Variants in C12orf42 observed in about 807,000 individuals in gnomAD.
C12orf42 encodes chromosome 12 open reading frame 42.
Under a neutral mutation model 21.6 loss-of-function variants are expected in C12orf42, and 25 were observed. The observed-to-expected ratio is 1.16, with a 90% confidence interval of 0.84 to 1.62. The LOEUF (loss-of-function observed/expected upper bound fraction) is 1.62. Among genes scored for constraint, C12orf42 ranks in the 40% most tolerant of loss-of-function variants. The pLI, the probability that C12orf42 is intolerant of heterozygous loss-of-function variation, is 0.00. For synonymous variants in C12orf42, 174 were observed against 175.0 expected (o/e 0.99, Z 0.05); for missense variants, 483 against 459.3 (o/e 1.05, Z -0.47).
At chr12:103,262,836 A>G (rs2034965478) in intron 10 of C12orf42, among the ~76,000 whole-genome samples, 1 of 152,182 alleles carries the variant, frequency 6.6e-6, no homozygotes, top group Admixed American at 6.5e-5. Context: ...TCATGCTACT[A>G]TGAAGACACA....
the C12orf42 span, among the ~76,000 whole-genome samples, chr12:103,527,670 A>G: frequency 1.3e-5 from 2 of 152,318 alleles, no homozygotes; most frequent in South Asian, 4.2e-4. Flanking sequence ...TGAAGGGACC[A>G]TAAATTCCCA....
the C12orf42 span, among the ~76,000 whole-genome samples, chr12:103,191,179 A>G: frequency 1.3e-5 from 2 of 152,118 alleles, no homozygotes; most frequent in South Asian, 4.1e-4. Flanking sequence ...TTTTCTAAAA[A>G]TAAATAAAGA....
rs1006658179 is a variant in C12orf42, at chr12:103,303,057, T to C, written c.632-498A>G. Among the ~76,000 whole-genome samples, 8 of 152,290 alleles carry C rather than the reference T, an allele frequency of 5.3e-5. No individual in the cohort carries two copies. The East Asian group carries it at 7.7e-4, about 15-fold the overall frequency. On this transcript the variant is annotated intron_variant, in intron 5 of 5. Coordinates refer to ENST00000548883, the MANE Select transcript of C12orf42 (RefSeq NM_198521.5). ...GGAGGCTGTTATTTCATGAGTTTTA[T>C]TGGAAACTTCAAACCAGCTGAAGAC...
At chr12:103,169,326 C>T in the C12orf42 span, among the ~76,000 whole-genome samples, 6 of 151,854 alleles carry the variant, frequency 4.0e-5, no homozygotes, top group Non-Finnish European at 8.8e-5. Context: ...TAAAACCAAC[C>T]ACATCTCACT....
At chr12:103,217,418 A>G in the C12orf42 span, among the ~76,000 whole-genome samples, 1 of 151,622 alleles carries the variant, frequency 6.6e-6, no homozygotes, top group Non-Finnish European at 1.5e-5. Context: ...AGTCCTAGCT[A>G]CTTGGGAGGC....
the C12orf42 span, among the ~76,000 whole-genome samples, chr12:103,523,008 C>T: frequency 6.6e-6 from 1 of 152,196 alleles, no homozygotes; most frequent in Non-Finnish European, 1.5e-5. Context: ...ACCTAGAAGT[C>T]CCAAGGAGGG....
chr12:103,104,650 G>C, the C12orf42 span, among the ~76,000 whole-genome samples: 1 of 152,120 alleles, frequency 6.6e-6, no homozygotes, highest in Non-Finnish European at 1.5e-5. Flanking sequence ...CATGTTGGCC[G>C]GGATGGTCTC....
chr12:103,098,622 C>T, the C12orf42 span, among the ~76,000 whole-genome samples: 11 of 152,306 alleles, frequency 7.2e-5, no homozygotes, highest in Admixed American at 2.6e-4. Flanking sequence ...ACCTTGACAT[C>T]GTGCAGCTTC....
intron 4 of C12orf42, among the ~76,000 whole-genome samples, chr12:103,310,967 A>G (rs1179845548): frequency 6.6e-6 from 1 of 152,220 alleles, no homozygotes; most frequent in Admixed American, 6.5e-5. Flanking sequence ...CAAGAACAAG[A>G]TGGAAAGCCT....
intron 4 of C12orf42, among the ~76,000 whole-genome samples, chr12:103,322,353 T>C (rs778235702): frequency 6.7e-6 from 1 of 148,362 alleles, no homozygotes. Flanking sequence ...CTTTGATGGA[T>C]TTTTTTTTTC....
At chr12:103,294,580 G>GA (rs1489368285) in intron 4 of C12orf42, among the ~76,000 whole-genome samples, 32 of 88,524 alleles carry the variant, frequency 3.6e-4, no homozygotes, top group African/African-American at 7.6e-4. Context: ...AGGAAGGAAG[G>GA]AAGGAAAGAA....
chr12:103,284,866 A>AT (rs996874361), intron 4 of C12orf42, among the ~76,000 whole-genome samples: 11 of 151,966 alleles, frequency 7.2e-5, no homozygotes, highest in African/African-American at 1.9e-4. Flanking sequence ...GATTACACTC[A>AT]TTTTTTTTAA....
chr12:103,089,097 A>G, the C12orf42 span, among the ~76,000 whole-genome samples: 1 of 104,738 alleles, frequency 9.5e-6, no homozygotes, highest in East Asian at 3.2e-4. Flanking sequence ...GCGAGACTCC[A>G]TCTCAAAAAA....
chr12:103,253,415 A>G (rs187861471), intron 10 of C12orf42, among the ~76,000 whole-genome samples: 28 of 152,222 alleles, frequency 1.8e-4, no homozygotes, highest in African/African-American at 5.5e-4. Flanking sequence ...CATTTTAATG[A>G]TATTGATTCT....
chr12:103,544,811 C>A, the C12orf42 span, among the ~76,000 whole-genome samples: 1 of 151,924 alleles, frequency 6.6e-6, no homozygotes, highest in Non-Finnish European at 1.5e-5. Context: ...TTTTTTCCCG[C>A]TTTATCTAGT....
the C12orf42 span, chr12:103,164,687 C>T: frequency 4.4e-6 from 2 of 453,684 alleles, no homozygotes; most frequent in Non-Finnish European, 8.9e-6. Flanking sequence ...TTGTTTTCAT[C>T]CAGATTCAAA....
At chr12:103,100,915 A>T in the C12orf42 span, among the ~76,000 whole-genome samples, 5 of 152,230 alleles carry the variant, frequency 3.3e-5, no homozygotes, top group Non-Finnish European at 5.9e-5. Flanking sequence ...CTCCCAAGAT[A>T]GTGGTGAGAA....
chr12:103,273,884 C>T (rs2035610889), intron 5 of C12orf42: 1 of 456,074 alleles, frequency 2.2e-6, no homozygotes, highest in African/African-American at 2.0e-5. Context: ...GCTATTTTAC[C>T]TAGAAAGCCA....
the C12orf42 span, among the ~76,000 whole-genome samples, chr12:103,079,623 C>A: frequency 6.6e-6 from 1 of 152,302 alleles, no homozygotes; most frequent in African/African-American, 2.4e-5. Context: ...CAGTAACAAA[C>A]AACATGCACA....
Sources: gnomAD v4.1 joint callset for allele counts (sites outside exome capture counted in the v4.1 genomes callset) on GRCh38, gnomAD v4.1.1 for gene constraint, MANE v1.5 for transcripts, NCBI Gene and HGNC (gene_info 2026-07-23, HGNC 2026-07-21) for gene names.